CEP350: variants seen among roughly 807,000 people sequenced by gnomAD.
CEP350 encodes centrosomal protein 350, also known as centrosome-associated protein 350.
A neutral mutation model predicts 331.8 loss-of-function variants in CEP350; 126 were observed. The observed-to-expected ratio is 0.38, with a 90% CI of 0.33 to 0.44. The LOEUF (loss-of-function observed/expected upper bound fraction) is 0.44. Ranked by LOEUF, CEP350 falls within the 20% of genes least tolerant of loss-of-function variation. The pLI is 1.00. For missense variants in CEP350, 3,406 were observed against 3,634.6 expected (o/e 0.94, Z 1.62); for synonymous variants, 1,200 against 1,259.5 (o/e 0.95, Z 1.00).
chr1:180,046,979 A>G (rs1035483705), intron 21 of CEP350, among the ~76,000 whole-genome samples: 1 of 152,222 alleles, frequency 6.6e-6, no homozygotes, highest in African/African-American at 2.4e-5. Context: ...TGTTTTCAAA[A>G]ACTTATTAAA....
At chr1:180,076,890 A>G (rs1659252815) in intron 28 of CEP350, among the ~76,000 whole-genome samples, 1 of 152,242 alleles carries the variant, frequency 6.6e-6, no homozygotes, top group Non-Finnish European at 1.5e-5. Context: ...GATAAAAGGT[A>G]TTAACAAAAA....
Position 180,022,746 on chromosome 1 carries a change from A to C in CEP350, c.3284A>C (p.Asn1095Thr). 2 of 1,612,058 alleles carry C rather than the reference A, an allele frequency of 1.2e-6. No individual in the cohort carries two copies. Among genetic ancestry groups the C allele is most frequent in the Non-Finnish European group, 1.7e-6 (2 of 1,178,964 alleles). The change falls in exon 13 of 38, where the codon AAT becomes ACT. Residue 1095 changes from asparagine (N) to threonine (T), a missense_variant. By Grantham distance (65) the Asn-to-Thr change is moderately conservative (BLOSUM62 0). Coordinates refer to ENST00000367607, the MANE Select transcript of CEP350 (RefSeq NM_014810.5). ...GGAACATCAACATCACGGCCTTTGA[A>C]TGCCACCGCAACTCCTCTAAGTGGT... Reference protein sequence around the residue: ...DRGTSTSRPLNATATPLSGVS... With the variant: ...DRGTSTSRPLTATATPLSGVS...
At chr1:180,015,151 G>GC (rs1654889790) in intron 10 of CEP350, among the ~76,000 whole-genome samples, 1 of 152,138 alleles carries the variant, frequency 6.6e-6, no homozygotes, top group South Asian at 2.1e-4. Flanking sequence ...GGTGGCAGAG[G>GC]CAAAAAGGTA....
At chr1:179,970,883 C>G (rs76596206) in intron 1 of CEP350, among the ~76,000 whole-genome samples, 21,336 of 152,060 alleles carry the variant, frequency 0.14, 1,552 homozygotes, top group African/African-American at 0.17. Context: ...ATGCAGTTGA[C>G]TTATGGAAGA....
intron 6 of CEP350, among the ~76,000 whole-genome samples, chr1:179,998,764 A>G (rs1479726781): frequency 6.6e-6 from 1 of 152,116 alleles, no homozygotes; most frequent in Non-Finnish European, 1.5e-5. Flanking sequence ...TCTAAAACAC[A>G]TCTACTGCAT....
At chr1:179,974,045 G>GTT (rs973352190) in intron 1 of CEP350, among the ~76,000 whole-genome samples, 16 of 141,562 alleles carry the variant, frequency 1.1e-4, no homozygotes, top group African/African-American at 2.8e-4. Context: ...ATTTTTTTCT[G>GTT]TTTTTTTTTT....
intron 5 of CEP350, among the ~76,000 whole-genome samples, chr1:179,994,456 C>CTTTTTTTTTTTTTTTTTTTTTTTTTTTT (rs532002663): frequency 7.4e-6 from 1 of 136,004 alleles, no homozygotes; most frequent in African/African-American, 2.7e-5. Flanking sequence ...TTCTTTCTTT[C>CTTTTTTTTTTTTTTTTTTTTTTTTTTTT]TTTTTTTTTT....
At position 179,955,106 on chromosome 1, in the gene CEP350, G is replaced by A; in HGVS notation, c.-50G>A. 1 of 1,473,382 alleles carries A rather than the reference G, an allele frequency of 6.8e-7. No homozygotes were observed. The highest frequency in any genetic ancestry group is 9.0e-7 in the Non-Finnish European group (1 of 1,115,220). 91.3% of individuals were successfully genotyped at this position (1,473,382 alleles called of 1,614,324 possible). ...CACCCTCCGCCAGGCTCCGCGGGAT[G>A]CACCGTGGTAGCCGAGGGCGGAGGC... On this transcript the variant is annotated 5_prime_UTR_variant, in exon 1 of 38. The change abolishes an upstream ATG in the 5' untranslated region. Transcript: ENST00000367607.
In CEP350 at chr1:179,986,084, C is replaced by T. The variant is rs1331652869; in HGVS notation, c.-13-85C>T. On this transcript the variant is annotated intron_variant, in intron 1 of 37. Coordinates refer to ENST00000367607, the MANE Select transcript of CEP350 (RefSeq NM_014810.5). Reference sequence around the variant, plus strand: ...TACATCCTAATGGGTGTGAAGTAGTCATAATATAATTTTTAATGATTTATT... The same window carrying T: ...TACATCCTAATGGGTGTGAAGTAGTTATAATATAATTTTTAATGATTTATT... 5.6e-6 allele frequency: 6 copies of T among 1,078,290 alleles called. No homozygotes were observed. In the Admixed American group the frequency reaches 1.1e-4, roughly 20 times the overall value. 66.8% of individuals were successfully genotyped at this position (1,078,290 alleles called of 1,614,324 possible).
chr1:180,047,757 C>CAAAAAAA (rs5779043), intron 21 of CEP350, among the ~76,000 whole-genome samples: 44 of 73,890 alleles, frequency 6.0e-4, no homozygotes, highest in Admixed American at 9.8e-4. Flanking sequence ...TGAAACTCCT[C>CAAAAAAA]AAAAAAAAAA....
At chr1:180,110,290 G>A (rs985974368) in intron 37 of CEP350, among the ~76,000 whole-genome samples, 1 of 152,104 alleles carries the variant, frequency 6.6e-6, no homozygotes, top group Non-Finnish European at 1.5e-5. Flanking sequence ...TCAACATCAC[G>A]ATGGTATGAA....
chr1:180,030,348 TAATA>T (rs1443869053), intron 14 of CEP350, among the ~76,000 whole-genome samples: 1 of 147,204 alleles, frequency 6.8e-6, no homozygotes, highest in African/African-American at 2.5e-5. Flanking sequence ...TATATAAACA[TAATA>T]TATATATAAT....
At chr1:179,995,327 A>G (rs1321679228) in intron 5 of CEP350, among the ~76,000 whole-genome samples, 1 of 152,164 alleles carries the variant, frequency 6.6e-6, no homozygotes, top group Non-Finnish European at 1.5e-5. Flanking sequence ...TCAGCCAGGC[A>G]CAATGGCTCA....
At chr1:180,044,232 A>AATTGTGAT in intron 21 of CEP350, 59 bp downstream of exon 21, 1 of 1,414,800 alleles carries the variant, frequency 7.1e-7, no homozygotes, top group Non-Finnish European at 9.3e-7. Flanking sequence ...AAATGGCTTA[A>AATTGTGAT]ACATTGCTTT....
In CEP350 at chr1:180,014,356, A is replaced by C; in HGVS notation, c.1903A>C (p.Lys635Gln). Residue 635 changes from lysine (K) to glutamine (Q), a missense_variant, in exon 10 of 38, where the codon AAG becomes CAG. By Grantham distance (53) the Lys-to-Gln change is moderately conservative (BLOSUM62 1). Around this residue, in one of 5 missense-constraint regions of CEP350, gnomAD observed 1,857 missense variants for 1,909.2 expected, o/e 0.97. Coordinates refer to ENST00000367607, the MANE Select transcript of CEP350 (RefSeq NM_014810.5). ...CAAACGATTACAAGAGCTCTACCGG[A>C]AGCAGAAGGAAGCCTTTACTAAAGT... ...KNKRLQELYR[K>Q]QKEAFTKVKN... The C allele has an allele frequency of 6.3e-7, 1 of 1,591,696 alleles. No homozygotes were observed. Among genetic ancestry groups the C allele is most frequent in the East Asian group, 2.3e-5 (1 of 44,226 alleles).
chr1:179,982,840 G>C (rs1652378775), intron 1 of CEP350, among the ~76,000 whole-genome samples: 1 of 152,160 alleles, frequency 6.6e-6, no homozygotes. Flanking sequence ...TGCAAGGCTG[G>C]AGTCTTGTGG....
rs796255468 is a variant in CEP350, at chr1:180,004,905, T to G, written c.1133-1549T>G. Among the ~76,000 whole-genome samples, 16 of 59,822 alleles carry G rather than the reference T, an allele frequency of 2.7e-4. 1 individual carries two copies. The highest frequency in any genetic ancestry group is 7.9e-4 in the Admixed American group (3 of 3,820). The allele number at this position is 59,822 out of a possible 152,430, so 39.2% of individuals were successfully genotyped here. A position where few individuals can be genotyped will look rare whatever the true frequency, so the allele number is the denominator to read the frequency against. Reference sequence around the variant, plus strand: ...TTGCTTGCTTGCTTGCTTGCTTGCTTGCTTTCTTTCTTTCTTTCTTTCTTT... The same window carrying G: ...TTGCTTGCTTGCTTGCTTGCTTGCTGGCTTTCTTTCTTTCTTTCTTTCTTT... On this transcript the variant is annotated intron_variant, in intron 7 of 37. Coordinates refer to ENST00000367607, the MANE Select transcript of CEP350 (RefSeq NM_014810.5).
intron 14 of CEP350, among the ~76,000 whole-genome samples, chr1:180,028,602 G>C (rs931956314): frequency 2.0e-5 from 3 of 152,030 alleles, no homozygotes; most frequent in Non-Finnish European, 4.4e-5. Flanking sequence ...CCTGGAGTTC[G>C]AGACCAGCCT....
In CEP350 at chr1:180,094,222, A is replaced by C. The variant is rs765434377; in HGVS notation, c.8117A>C (p.Asn2706Thr). 2 of 1,613,080 alleles carry C rather than the reference A, an allele frequency of 1.2e-6. No homozygotes were observed. The highest frequency in any genetic ancestry group is 1.7e-6 in the Non-Finnish European group (2 of 1,179,546). The change falls in exon 34 of 38, where the codon AAC becomes ACC. Residue 2706 changes from asparagine to threonine, a missense_variant. Coordinates refer to ENST00000367607, the MANE Select transcript of CEP350 (RefSeq NM_014810.5). ...CAGCAGTTTACAGAAGAGGAAGACA[A>C]CCTATATGCTGAAGCTTCAGAAAAG... ...KQQQFTEEED[N>T]LYAEASEKLC...
Sources: gnomAD v4.1 joint callset for allele counts (sites outside exome capture counted in the v4.1 genomes callset) on GRCh38, gnomAD v4.1.1 for gene constraint, gnomAD v4.1.1 regional missense constraint, MANE v1.5 for transcripts, NCBI Gene and HGNC (gene_info 2026-07-23, HGNC 2026-07-21) for gene names.